Variants in POLA1 observed in about 807,000 individuals in gnomAD.
POLA1 encodes DNA polymerase alpha 1, catalytic subunit, also known as DNA polymerase alpha catalytic subunit.
A neutral mutation model predicts 124.0 loss-of-function variants in POLA1; 15 were observed. The ratio of observed to expected loss-of-function variants is 0.12; its 90% CI spans 0.08 to 0.19. The LOEUF (loss-of-function observed/expected upper bound fraction) is 0.19, where lower values mean the gene tolerates loss of function less well. Ranked by LOEUF, POLA1 falls within the 10% of genes least tolerant of loss-of-function variation. The pLI, the probability that POLA1 is intolerant of heterozygous loss-of-function variation, is 1.00. For synonymous variants in POLA1, 408 were observed against 389.4 expected, an observed-to-expected ratio of 1.05 and a Z score of -0.56; for missense variants, 886 against 1,103.4, an observed-to-expected ratio of 0.80 and a Z score of 2.79.
chrX:24,972,779 G>A (rs1012454475), intron 36 of POLA1, among the ~76,000 whole-genome samples: 3 of 112,328 alleles, frequency 2.7e-5, no homozygotes, highest in Non-Finnish European at 3.8e-5. Flanking sequence ...GACAAGATGA[G>A]AGAGTTTTTC....
chrX:24,712,247 G>A (rs1929507424), intron 4 of POLA1, among the ~76,000 whole-genome samples: 2 of 108,909 alleles, frequency 1.8e-5, no homozygotes, highest in South Asian at 4.0e-4. Flanking sequence ...CACCATGCCC[G>A]GCTAATTATT....
Position 24,706,815 on chromosome X carries a change from T to C in POLA1, c.346+2346T>C, listed in dbSNP as rs368192061. Among the ~76,000 whole-genome samples the C allele has an allele frequency of 1.1e-4, 12 of 112,519 alleles. No homozygotes were observed. The East Asian group carries it at 3.3e-3, about 31-fold the overall frequency. On this transcript the variant is annotated intron_variant, in intron 4 of 36. Coordinates refer to ENST00000379068, the MANE Select transcript of POLA1 (RefSeq NM_001330360.2). ...TTTTGTGTGTTTTGTATTGATTTAC[T>C]ATGTAGGTTCATTTTTTGTTTGTAT...
chrX:24,798,879 C>T (rs2045658667), intron 26 of POLA1, among the ~76,000 whole-genome samples: 1 of 111,331 alleles, frequency 9.0e-6, no homozygotes, highest in Admixed American at 9.5e-5. Context: ...TTCCCTAAAA[C>T]TAGGCAGTCT....
At chrX:24,897,418 C>T (rs184967971) in intron 35 of POLA1, among the ~76,000 whole-genome samples, 1 of 102,987 alleles carries the variant, frequency 9.7e-6, no homozygotes, top group East Asian at 3.2e-4. Context: ...TATCCCCACT[C>T]ATCACTGGAC....
intron 26 of POLA1, among the ~76,000 whole-genome samples, chrX:24,806,094 T>G (rs865782907): frequency 4.0e-4 from 25 of 62,535 alleles, no homozygotes; most frequent in Admixed American, 6.2e-4. Context: ...TTTTTTTTTT[T>G]TTTTTTTTTT....
chrX:24,792,732 G>A (rs1025787877), intron 26 of POLA1, among the ~76,000 whole-genome samples: 8 of 112,053 alleles, frequency 7.1e-5, no homozygotes, highest in African/African-American at 1.6e-4. Context: ...GAAAACAAAC[G>A]TAAGACACGG....
chrX:24,910,674 A>T (rs1454368617), intron 35 of POLA1, among the ~76,000 whole-genome samples: 3 of 112,056 alleles, frequency 2.7e-5, no homozygotes, highest in African/African-American at 9.7e-5. Flanking sequence ...CTACATAATG[A>T]CAAAAGAGCT....
chrX:24,714,739 A>G (rs1187920356), intron 5 of POLA1, 70 bp downstream of exon 5: 3 of 583,333 alleles, frequency 5.1e-6, no homozygotes, highest in South Asian at 3.0e-5. Context: ...GATTATACAG[A>G]TAACAGGTGC....
chrX:24,782,416 T>G lies in POLA1; in HGVS notation c.2965-27482T>G, dbSNP rs992538567. Among the ~76,000 whole-genome samples, 7 of 111,884 alleles carry G rather than the reference T, an allele frequency of 6.3e-5. 1 individual carries two copies. The Admixed American group carries it at 6.6e-4, about 11-fold the overall frequency. Reference sequence around the variant, plus strand: ...ATTTTCCTTTGTTCACACCATCTTTTTCAAACCAAGCTGCAATACAGTTCA... The same window carrying G: ...ATTTTCCTTTGTTCACACCATCTTTGTCAAACCAAGCTGCAATACAGTTCA... On this transcript the variant is annotated intron_variant, in intron 26 of 36. Transcript: ENST00000379068.
At chrX:24,767,519 G>C (rs760414995) in intron 26 of POLA1, among the ~76,000 whole-genome samples, 8 of 112,155 alleles carry the variant, frequency 7.1e-5, no homozygotes, top group Non-Finnish European at 1.3e-4. Context: ...GTTAGACACT[G>C]TTCTAAGCAC....
intron 34 of POLA1, among the ~76,000 whole-genome samples, chrX:24,864,627 C>T (rs1271878906): frequency 9.0e-6 from 1 of 111,285 alleles, no homozygotes; most frequent in Non-Finnish European, 1.9e-5. Flanking sequence ...TTGTCGTCAC[C>T]CACTTGCCAT....
intron 4 of POLA1, among the ~76,000 whole-genome samples, chrX:24,714,153 AGTTTT>A (rs770145497): frequency 3.6e-5 from 4 of 111,737 alleles, no homozygotes; most frequent in Admixed American, 9.5e-5. Context: ...AGAATCTCAT[AGTTTT>A]GTTTTGTTTT....
intron 26 of POLA1, among the ~76,000 whole-genome samples, chrX:24,781,937 A>C (rs907812194): frequency 1.8e-5 from 2 of 111,911 alleles, no homozygotes; most frequent in African/African-American, 6.5e-5. Flanking sequence ...GCTAGAAGTC[A>C]TCTTAGGTCT....
chrX:24,982,261 A>T (rs1304423659), intron 36 of POLA1, among the ~76,000 whole-genome samples: 1 of 111,260 alleles, frequency 9.0e-6, no homozygotes, highest in African/African-American at 3.3e-5. Flanking sequence ...AAAGAAAAAA[A>T]GATGTGCTCA....
chrX:24,957,507 A>G (rs1011592513), intron 36 of POLA1, among the ~76,000 whole-genome samples: 4 of 111,255 alleles, frequency 3.6e-5, no homozygotes, highest in Non-Finnish European at 7.5e-5. Flanking sequence ...ACCCCCATGT[A>G]CCACGCTCAA....
chrX:24,875,474 T>C lies in POLA1; in HGVS notation c.4048-12532T>C, dbSNP rs773778687. 6.2e-5 allele frequency among the ~76,000 whole-genome samples: 7 copies of C among 112,157 alleles called. No individual in the cohort carries two copies. In the South Asian group the frequency reaches 2.6e-3, roughly 42 times the overall value. ...ACTAAGCCAGAAAATAAAATATATT[T>C]TCAAAGTGTAAAGAAGTTATCACTG... is the stretch of plus-strand genomic sequence containing the variant. On this transcript the variant is annotated intron_variant, in intron 34 of 36. Transcript: ENST00000379068.
At chrX:24,911,153 A>T (rs1457807803) in intron 35 of POLA1, among the ~76,000 whole-genome samples, 3 of 112,353 alleles carry the variant, frequency 2.7e-5, no homozygotes, top group African/African-American at 9.7e-5. Flanking sequence ...AGAGGTATTA[A>T]GGAAGATTGG....
chrX:24,726,000 CT>C lies in POLA1; in HGVS notation c.1341del (p.Phe447LeufsTer28). On this transcript the variant is annotated frameshift_variant, in exon 13 of 37. Transcript: ENST00000379068. LOFTEE classifies it high-confidence loss of function. ...FKSKPVEKNY[A>X]FEIPDVPEKS... The stretch of plus-strand genomic sequence containing the variant: ...ACCCAGCCAGTGGAAAAGAACTATG[CT>C]TTTGAGATACCTGATGTTCCAGAAA... 8.4e-7 allele frequency: 1 copy of C among 1,186,446 alleles called. No individual in the cohort carries two copies. Among genetic ancestry groups the C allele is most frequent in the Non-Finnish European group, 1.1e-6 (1 of 874,748 alleles).
At chrX:24,699,241 T>A in intron 1 of POLA1, among the ~76,000 whole-genome samples, 184 bp from the exon 2 acceptor site, 1 of 111,926 alleles carries the variant, frequency 8.9e-6, no homozygotes, top group Non-Finnish European at 1.9e-5. Context: ...TTCTGGCGAG[T>A]CATGTATATT....
Sources: gnomAD v4.1 joint callset for allele counts (sites outside exome capture counted in the v4.1 genomes callset) on GRCh38, gnomAD v4.1.1 for gene constraint, MANE v1.5 for transcripts, NCBI Gene and HGNC (gene_info 2026-07-23, HGNC 2026-07-21) for gene names.